LHFPL6: variants seen among roughly 807,000 people sequenced by gnomAD.
LHFPL6 encodes the protein LHFPL tetraspan subfamily member 6.
Under a neutral mutation model 20.6 loss-of-function variants are expected in LHFPL6, and 9 were observed. The ratio of observed to expected loss-of-function variants is 0.44; its 90% CI spans 0.26 to 0.76. The LOEUF is 0.76. Ranked by LOEUF, LHFPL6 falls within the 30% of genes least tolerant of loss-of-function variation. The pLI, the probability that LHFPL6 is intolerant of heterozygous loss-of-function variation, is 0.20. For missense variants in LHFPL6, 218 were observed against 253.5 expected (o/e 0.86, Z 0.95); for synonymous variants, 105 against 98.7 (o/e 1.06, Z -0.38).
intron 2 of LHFPL6, among the ~76,000 whole-genome samples, chr13:39,560,227 G>T (rs74046552): frequency 0.047 from 7,120 of 152,218 alleles, 344 homozygotes; most frequent in African/African-American, 0.12. Context: ...GTGCTTCAAT[G>T]AATTAAATGA....
At chr13:39,570,240 C>A (rs546300484) in intron 2 of LHFPL6, among the ~76,000 whole-genome samples, 1 of 152,166 alleles carries the variant, frequency 6.6e-6, no homozygotes, top group Non-Finnish European at 1.5e-5. Flanking sequence ...CTCCTGGATT[C>A]AGGCAATCTC....
rs545208065 is a variant in LHFPL6, at chr13:39,563,211, TTAAAAATAAAAATCAGGATTAAAC to T, written c.385+37597_385+37620del. Among the ~76,000 whole-genome samples, 15 of 148,816 alleles carry T rather than the reference TTAAAAATAAAAATCAGGATTAAAC, an allele frequency of 1.0e-4. 1 individual carries two copies. The East Asian group carries it at 3.0e-3, about 29-fold the overall frequency. ...TTTAAAAAAATTAGAGCTAATTAAA[TTAAAAATAAAAATCAGGATTAAAC>T]TAAAAATAAAAGGGAGCTGGAATTC... On this transcript the variant is annotated intron_variant, in intron 2 of 3. Transcript: ENST00000379589.
chr13:39,472,147 G>A (rs901134853), intron 2 of LHFPL6, among the ~76,000 whole-genome samples: 1 of 152,114 alleles, frequency 6.6e-6, no homozygotes, highest in Non-Finnish European at 1.5e-5. Flanking sequence ...CCTAGACGTA[G>A]TAGTTTAGAA....
chr13:39,439,753 C>A (rs1280903666), intron 2 of LHFPL6, among the ~76,000 whole-genome samples: 1 of 152,020 alleles, frequency 6.6e-6, no homozygotes, highest in Non-Finnish European at 1.5e-5. Flanking sequence ...AGCACCTCCC[C>A]ACTCTCTCTC....
chr13:39,353,652 C>T (rs1252094706), intron 3 of LHFPL6, among the ~76,000 whole-genome samples: 3 of 152,020 alleles, frequency 2.0e-5, no homozygotes, highest in South Asian at 2.1e-4. Context: ...CTCTTGAACC[C>T]GGGAGGCGGA....
Position 39,343,505 on chromosome 13 carries a change from C to T in LHFPL6, c.*431G>A. ...ACATCTTTGGGGGTACCCTGCTTCC[C>T]AACATAACACTGTTTCTACTAGCCC... On this transcript the variant is annotated 3_prime_UTR_variant, in exon 4 of 4. Transcript: ENST00000379589. 4.3e-6 allele frequency: 1 copy of T among 231,508 alleles called. No individual in the cohort carries two copies. The highest frequency in any genetic ancestry group is 8.5e-6 in the Non-Finnish European group (1 of 117,072). The allele number at this position is 231,508 out of a possible 1,614,324, so 14.3% of individuals were successfully genotyped here. A position where few individuals can be genotyped will look rare whatever the true frequency, so the allele number is the denominator to read the frequency against.
At chr13:39,423,585 G>A in intron 2 of LHFPL6, among the ~76,000 whole-genome samples, 1 of 151,984 alleles carries the variant, frequency 6.6e-6, no homozygotes. Context: ...CACCATGGCT[G>A]GCTAATTTTT....
chr13:39,504,723 C>T (rs545046527), intron 2 of LHFPL6, among the ~76,000 whole-genome samples: 39 of 152,344 alleles, frequency 2.6e-4, no homozygotes, highest in South Asian at 1.7e-3. Context: ...TCTGCAAATA[C>T]AGTCACATTC....
chr13:39,601,130 C>T lies in LHFPL6; in HGVS notation c.87G>A (p.Met29Ile). The part of the protein sequence containing the change: ...CAATSCVGFF[M>I]PYWLWGSQLG... ...GCTGTGATCCCCAGAGCCAGTAAGG[C>T]ATAAAGAACCCCACGCAGGAGGTGG... Residue 29 changes from methionine to isoleucine, a missense_variant, in exon 2 of 4, where the codon ATG (methionine) becomes ATA (isoleucine). Transcript: ENST00000379589. The T allele has an allele frequency of 6.2e-7, 1 of 1,614,162 alleles. No individual in the cohort carries two copies. Among genetic ancestry groups the T allele is most frequent in the Non-Finnish European group, 8.5e-7 (1 of 1,180,042 alleles).
At chr13:39,485,007 G>A (rs1439407068) in intron 2 of LHFPL6, among the ~76,000 whole-genome samples, 1 of 152,120 alleles carries the variant, frequency 6.6e-6, no homozygotes, top group Non-Finnish European at 1.5e-5. Context: ...TTCATCTATA[G>A]AAGATTCTCA....
intron 2 of LHFPL6, 99 bp from the exon 3 acceptor site, chr13:39,378,625 G>T (rs192768325): frequency 3.5e-6 from 3 of 852,672 alleles, no homozygotes; most frequent in Non-Finnish European, 5.6e-6. Flanking sequence ...AGACCATAGC[G>T]TCTGCTTTTT....
At chr13:39,507,856 G>A (rs953587318) in intron 2 of LHFPL6, among the ~76,000 whole-genome samples, 2 of 151,592 alleles carry the variant, frequency 1.3e-5, no homozygotes, top group African/African-American at 4.8e-5. Flanking sequence ...ATTTGTCTCT[G>A]ATTTCAAGTC....
At chr13:39,449,603 T>C (rs1186400569) in intron 2 of LHFPL6, among the ~76,000 whole-genome samples, 1 of 152,204 alleles carries the variant, frequency 6.6e-6, no homozygotes, top group Non-Finnish European at 1.5e-5. Flanking sequence ...CGAAACAGAC[T>C]GCCTTACCTT....
chr13:39,375,404 G>A (rs1287381246), intron 3 of LHFPL6, among the ~76,000 whole-genome samples: 1 of 152,160 alleles, frequency 6.6e-6, no homozygotes, highest in Non-Finnish European at 1.5e-5. Context: ...GAGTGAACAG[G>A]GATGGGCCAG....
At chr13:39,586,523 G>C (rs1055477672) in intron 2 of LHFPL6, among the ~76,000 whole-genome samples, 2 of 151,732 alleles carry the variant, frequency 1.3e-5, no homozygotes, top group African/African-American at 4.8e-5. Flanking sequence ...ATTAACTTTT[G>C]AGGAACTAGA....
At chr13:39,387,692 C>T (rs912848596) in intron 2 of LHFPL6, among the ~76,000 whole-genome samples, 1 of 152,170 alleles carries the variant, frequency 6.6e-6, no homozygotes, top group African/African-American at 2.4e-5. Context: ...GAGCCCTGAG[C>T]CAGTGCTCCT....
chr13:39,364,612 C>T (rs951093952), intron 3 of LHFPL6, among the ~76,000 whole-genome samples: 1 of 151,926 alleles, frequency 6.6e-6, no homozygotes, highest in Non-Finnish European at 1.5e-5. Context: ...ATCAAATGGA[C>T]CTCTGTTCTG....
intron 2 of LHFPL6, among the ~76,000 whole-genome samples, chr13:39,533,457 A>G (rs552569685): frequency 2.5e-3 from 374 of 152,300 alleles, no homozygotes; most frequent in Non-Finnish European, 3.4e-3. Flanking sequence ...CCTTTCTTCT[A>G]AAGGTATGGC....
intron 2 of LHFPL6, among the ~76,000 whole-genome samples, chr13:39,442,481 A>G (rs573035284): frequency 1.8e-4 from 28 of 152,172 alleles, no homozygotes; most frequent in Non-Finnish European, 1.3e-4. Flanking sequence ...AAACTTTGGA[A>G]AGTGCTAAAG....
Sources: allele counts gnomAD v4.1 joint callset (sites outside exome capture counted in the v4.1 genomes callset), GRCh38; gene constraint gnomAD v4.1.1; transcripts MANE v1.5; gene names NCBI Gene and HGNC (gene_info 2026-07-23, HGNC 2026-07-21).